The following MGAM2 variants were observed in gnomAD, a reference collection of about 807,000 sequenced individuals.
MGAM2 encodes probable maltase-glucoamylase 2.
Under a neutral mutation model 96.1 loss-of-function variants are expected in MGAM2, and 98 were observed. The observed-to-expected ratio is 1.02, with a 90% confidence interval of 0.87 to 1.21. The LOEUF is 1.21. MGAM2 is among the 50% of genes most tolerant of loss of function. The pLI, the probability that MGAM2 is intolerant of heterozygous loss-of-function variation, is 0.00. For missense variants in MGAM2, 2,055 were observed against 1,182.4 expected, an observed-to-expected ratio of 1.74 and a Z score of -10.82; for synonymous variants, 749 against 414.8, an observed-to-expected ratio of 1.81 and a Z score of -9.79.
Position 142,198,194 on chromosome 7 carries a change from C to G in MGAM2, c.4922C>G (p.Thr1641Arg), listed in dbSNP as rs767574617. 1 of 702,692 alleles carries G rather than the reference C, an allele frequency of 1.4e-6. No individual in the cohort carries two copies. The highest frequency in any genetic ancestry group is 2.6e-6 in the Non-Finnish European group (1 of 384,792). The allele number at this position is 702,692 out of a possible 1,614,324, so 43.5% of individuals were successfully genotyped here. A position where few individuals can be genotyped will look rare whatever the true frequency, so the allele number is the denominator to read the frequency against. ...AGAGCCCGTTGGTATGACTATAGCA[C>G]GGTAAGAACTAATATATTTGTGAAG... ...FPRARWYDYS[T>R]GTSSTSTGQR... The change falls in exon 43 of 48, where the codon ACG (threonine) becomes AGG (arginine). Residue 1641 changes from threonine to arginine, a missense_variant and splice_region_variant. Thr to Arg is a moderately conservative substitution (Grantham distance 71). Coordinates refer to ENST00000477922, the MANE Select transcript of MGAM2 (RefSeq NM_001293626.2).
chr7:142,138,297 G>T (rs1795120616), intron 9 of MGAM2, among the ~76,000 whole-genome samples: 1 of 151,492 alleles, frequency 6.6e-6, no homozygotes, highest in African/African-American at 2.4e-5. Flanking sequence ...ATAGAATAAT[G>T]AATGTCACCA....
At chr7:142,183,796 C>T (rs1413511666) in intron 33 of MGAM2, among the ~76,000 whole-genome samples, 2 of 151,838 alleles carry the variant, frequency 1.3e-5, no homozygotes, top group East Asian at 1.9e-4. Context: ...TCCTTTAATT[C>T]GTCTTTATGG....
At chr7:142,173,172 C>G in intron 30 of MGAM2, 57 bp from the exon 31 acceptor site, 1 of 698,484 alleles carries the variant, frequency 1.4e-6, no homozygotes, top group Non-Finnish European at 2.6e-6. Context: ...AAGTATAAGT[C>G]AATCACCTTG....
chr7:142,169,356 A>G (rs1796123962), intron 26 of MGAM2, among the ~76,000 whole-genome samples: 1 of 152,118 alleles, frequency 6.6e-6, no homozygotes, highest in Non-Finnish European at 1.5e-5. Flanking sequence ...TGGGTGGTGG[A>G]GATCGCAGTA....
chr7:142,167,871 T>C (rs1398281607), intron 26 of MGAM2, among the ~76,000 whole-genome samples: 4 of 152,122 alleles, frequency 2.6e-5, no homozygotes. Flanking sequence ...TGTGCCTCGC[T>C]GAAACAGCTT....
At position 142,134,048 on chromosome 7, in the gene MGAM2, A is replaced by T; in HGVS notation, c.643A>T (p.Ser215Cys). ...CCTGCAACTGTCTTTCCGACTGCCC[A>T]GTGCCAATGTGTATGGGCTGGGAGA... is the stretch of plus-strand genomic sequence containing the variant. ...QYLQLSFRLP[S>C]ANVYGLGEHV... Residue 215 changes from serine to cysteine, a missense_variant, in exon 7 of 48, where the codon AGT becomes TGT. By Grantham distance (112) the Ser-to-Cys change is moderately radical (BLOSUM62 -1). Transcript: ENST00000477922. The T allele has an allele frequency of 1.3e-6, 1 of 757,516 alleles. No individual in the cohort carries two copies. The highest frequency in any genetic ancestry group is 1.4e-5 in the South Asian group (1 of 73,164). The allele number at this position is 757,516 out of a possible 1,614,324, so 46.9% of individuals were successfully genotyped here. A position where few individuals can be genotyped will look rare whatever the true frequency, so the allele number is the denominator to read the frequency against.
intron 46 of MGAM2, among the ~76,000 whole-genome samples, chr7:142,217,311 A>T (rs1351308634): frequency 6.6e-6 from 1 of 152,178 alleles, no homozygotes; most frequent in East Asian, 1.9e-4. Flanking sequence ...TTCACTCTAA[A>T]TTAACTTGTG....
chr7:142,116,625 T>C (rs1817411163), intron 1 of MGAM2, among the ~76,000 whole-genome samples: 1 of 152,234 alleles, frequency 6.6e-6, no homozygotes, highest in South Asian at 2.1e-4. Flanking sequence ...TGATATACTT[T>C]TCCTTGGACA....
chr7:142,196,941 T>A, intron 40 of MGAM2, 125 bp downstream of exon 40: 2 of 611,880 alleles, frequency 3.3e-6, no homozygotes, highest in Non-Finnish European at 5.8e-6. Context: ...CTTAATTTCT[T>A]GGAAAATCCA....
intron 45 of MGAM2, among the ~76,000 whole-genome samples, chr7:142,202,267 C>T (rs1469602210): frequency 6.6e-6 from 1 of 152,144 alleles, no homozygotes; most frequent in Non-Finnish European, 1.5e-5. Context: ...CTGCGGATAT[C>T]AAATTCCACA....
chr7:142,132,745 C>A (rs1794933839), intron 6 of MGAM2, among the ~76,000 whole-genome samples: 2 of 120,954 alleles, frequency 1.7e-5, no homozygotes, highest in Non-Finnish European at 3.2e-5. Context: ...TATGTAATAA[C>A]ATATAATATA....
intron 37 of MGAM2, 23 bp from the exon 38 acceptor site, chr7:142,196,130 AC>A (rs1484157141): frequency 1.1e-6 from 1 of 909,380 alleles, no homozygotes. Context: ...TCTTCAACTC[AC>A]CTCTTTATTC....
intron 32 of MGAM2, among the ~76,000 whole-genome samples, chr7:142,178,909 T>C (rs980909915): frequency 2.5e-4 from 38 of 152,110 alleles, no homozygotes; most frequent in Admixed American, 2.5e-3. Context: ...GCATGAAATG[T>C]TTTTTCATTT....
chr7:142,165,844 A>C (rs2129088113), intron 24 of MGAM2, among the ~76,000 whole-genome samples: 1 of 152,326 alleles, frequency 6.6e-6, no homozygotes, highest in South Asian at 2.1e-4. Context: ...GAGGACAGTA[A>C]GCCTAACCAT....
intron 6 of MGAM2, 27 bp downstream of exon 6, chr7:142,132,112 T>A (rs976509984): frequency 1.4e-6 from 1 of 694,736 alleles, no homozygotes; most frequent in African/African-American, 1.8e-5. Context: ...TCTTGGTGCA[T>A]CTTTGAACAC....
At chr7:142,182,027 G>A (rs1796560093) in intron 32 of MGAM2, among the ~76,000 whole-genome samples, 1 of 152,100 alleles carries the variant, frequency 6.6e-6, no homozygotes, top group Non-Finnish European at 1.5e-5. Context: ...CTGGTAAACA[G>A]GCTACATCCT....
chr7:142,185,238 G>A (rs1422287283), intron 34 of MGAM2, 99 bp downstream of exon 34: 15 of 625,516 alleles, frequency 2.4e-5, no homozygotes. Flanking sequence ...CAGTTAAGTA[G>A]CCCTAACTTG....
In MGAM2 at chr7:142,196,300, A is replaced by G. The variant is rs1290187278; in HGVS notation, c.4480+13A>G. The stretch of plus-strand genomic sequence containing the variant: ...AAATCTATCATTGGTGTGTGGGCTC[A>G]TTCCCAGGGGCCTGTGCTGGCAGGG... On this transcript the variant is annotated intron_variant, in intron 38 of 47. Coordinates refer to ENST00000477922, the MANE Select transcript of MGAM2 (RefSeq NM_001293626.2). 2 of 726,166 alleles carry G rather than the reference A, an allele frequency of 2.8e-6. No homozygotes were observed. Among genetic ancestry groups the G allele is most frequent in the Admixed American group, 4.0e-5 (2 of 49,900 alleles). The allele number at this position is 726,166 out of a possible 1,614,324, so 45.0% of individuals were successfully genotyped here.
In MGAM2 at chr7:142,158,033, A is replaced by G; in HGVS notation, c.2020A>G (p.Thr674Ala). Reference protein sequence around the residue: ...IRYTLLPYLYTLFYHAHTRGE... With the variant: ...IRYTLLPYLYALFYHAHTRGE... Reference sequence around the variant, plus strand: ...CTACACCTTGCTGCCCTATCTCTATACCCTTTTCTACCATGCTCACACCCG... The same window carrying G: ...CTACACCTTGCTGCCCTATCTCTATGCCCTTTTCTACCATGCTCACACCCG... Residue 674 changes from threonine (T) to alanine (A), a missense_variant, in exon 18 of 48, where the codon ACC (threonine) becomes GCC (alanine). Thr to Ala is a moderately conservative substitution (Grantham distance 58, BLOSUM62 0). Coordinates refer to ENST00000477922, the MANE Select transcript of MGAM2 (RefSeq NM_001293626.2). 2.8e-6 allele frequency: 2 copies of G among 702,828 alleles called. No homozygotes were observed. The highest frequency in any genetic ancestry group is 5.2e-6 in the Non-Finnish European group (2 of 384,960). The allele number at this position is 702,828 out of a possible 1,614,324, so 43.5% of individuals were successfully genotyped here. A position where few individuals can be genotyped will look rare whatever the true frequency, so the allele number is the denominator to read the frequency against.
Sources: allele counts gnomAD v4.1 joint callset (sites outside exome capture counted in the v4.1 genomes callset), GRCh38; gene constraint gnomAD v4.1.1; transcripts MANE v1.5; gene names NCBI Gene and HGNC (gene_info 2026-07-23, HGNC 2026-07-21).